Variants in DOC2B observed in about 807,000 individuals in gnomAD.
DOC2B encodes double C2 domain beta.
DOC2B carries 21 observed loss-of-function variants against 28.9 expected under a neutral mutation model. The ratio of observed to expected loss-of-function variants is 0.73; its 90% CI spans 0.52 to 1.05. The LOEUF is 1.05. DOC2B is among the 50% of genes least tolerant of loss of function. The pLI is 0.00. For missense variants in DOC2B, 384 were observed against 421.1 expected, an observed-to-expected ratio of 0.91 and a Z score of 0.77; for synonymous variants, 194 against 178.1, an observed-to-expected ratio of 1.09 and a Z score of -0.71.
rs970003134 is a variant in DOC2B, at chr17:148,322, G to A, written c.1006-53C>T. 116 of 398,406 alleles carry A rather than the reference G, an allele frequency of 2.9e-4. No homozygotes were observed. The Middle Eastern group carries it at 3.1e-3, about 11-fold the overall frequency. 24.7% of individuals were successfully genotyped at this position (398,406 alleles called of 1,614,324 possible). On this transcript the variant is annotated intron_variant, in intron 7 of 8. Coordinates refer to ENST00000613549, the MANE Select transcript of DOC2B (RefSeq NM_003585.5). ...TGATGCCTGGGCCTGGGCCTCCGCCGGGGGCCAGGAGGGGTATGAGGTGTA... is the reference window on the plus strand; with the variant it reads ...TGATGCCTGGGCCTGGGCCTCCGCCAGGGGCCAGGAGGGGTATGAGGTGTA...
intron 2 of DOC2B, among the ~76,000 whole-genome samples, chr17:166,044 C>G (rs770425465): frequency 4.6e-5 from 7 of 152,106 alleles, no homozygotes; most frequent in African/African-American, 9.7e-5. Context: ...TAGGCTGGGT[C>G]GAGGGGCGCT....
At chr17:178,731 A>C (rs1423802792) in intron 1 of DOC2B, among the ~76,000 whole-genome samples, 1 of 152,246 alleles carries the variant, frequency 6.6e-6, no homozygotes, top group African/African-American at 2.4e-5. Context: ...TGAGTAAATA[A>C]ACAGCACTTC....
intron 1 of DOC2B, among the ~76,000 whole-genome samples, chr17:173,995 A>C (rs1057478060): frequency 1.4e-4 from 22 of 152,192 alleles, no homozygotes; most frequent in Non-Finnish European, 5.9e-5. Flanking sequence ...AATATTTACT[A>C]TCCAGCCCTT....
At chr17:180,241 C>A (rs979198413) in intron 1 of DOC2B, among the ~76,000 whole-genome samples, 3 of 152,244 alleles carry the variant, frequency 2.0e-5, no homozygotes, top group Non-Finnish European at 4.4e-5. Context: ...CGACCTCTTC[C>A]GGCCTCGGTT....
chr17:153,543 A>G (rs200829523), intron 6 of DOC2B, among the ~76,000 whole-genome samples: 2 of 152,192 alleles, frequency 1.3e-5, no homozygotes, highest in East Asian at 3.9e-4. Flanking sequence ...TCTACTAAAA[A>G]TACAAAAATT....
chr17:151,227 G>A (rs1050018744), intron 6 of DOC2B, among the ~76,000 whole-genome samples: 3 of 152,144 alleles, frequency 2.0e-5, no homozygotes, highest in Admixed American at 6.5e-5. Flanking sequence ...CTATGATTGC[G>A]CCACTGCACT....
intron 2 of DOC2B, among the ~76,000 whole-genome samples, chr17:164,778 C>A (rs188519179): frequency 6.6e-6 from 1 of 152,314 alleles, no homozygotes; most frequent in East Asian, 1.9e-4. Context: ...CGTGCACAGC[C>A]AGAGGCACAC....
chr17:144,191 T>C lies in DOC2B; in HGVS notation c.*3250A>G, dbSNP rs2040003852. ...AGATTTCCTGTCTTTGTGGGGATGA[T>C]GGACCCGAGTAAAGATGCCCATTCG... On this transcript the variant is annotated 3_prime_UTR_variant, in exon 9 of 9. Transcript: ENST00000613549. The C allele has an allele frequency of 6.6e-6, 1 of 152,482 alleles. No homozygotes were observed. The highest frequency in any genetic ancestry group is 1.9e-4 in the East Asian group (1 of 5,178). The allele number at this position is 152,482 out of a possible 1,614,324, so 9.4% of individuals were successfully genotyped here.
chr17:162,759 A>T (rs1378052413), intron 3 of DOC2B, among the ~76,000 whole-genome samples: 1 of 152,216 alleles, frequency 6.6e-6, no homozygotes, highest in Non-Finnish European at 1.5e-5. Flanking sequence ...CTCCAGCCCG[A>T]TGCCACGGGG....
intron 1 of DOC2B, among the ~76,000 whole-genome samples, chr17:175,082 T>C (rs1479155912): frequency 6.6e-6 from 1 of 151,960 alleles, no homozygotes; most frequent in Non-Finnish European, 1.5e-5. Flanking sequence ...CTACAAAAAA[T>C]ACAAAAATAG....
chr17:177,376 A>G (rs1422910733), intron 1 of DOC2B, among the ~76,000 whole-genome samples: 1 of 152,150 alleles, frequency 6.6e-6, no homozygotes, highest in Non-Finnish European at 1.5e-5. Context: ...GCCTCCTCAT[A>G]GGTCTCTTCC....
chr17:172,460 G>T, intron 2 of DOC2B, 77 bp downstream of exon 2: 3 of 1,198,904 alleles, frequency 2.5e-6, no homozygotes, highest in South Asian at 1.4e-5. Context: ...GGGGAGTGGT[G>T]TGGTCTGGCC....
At chr17:150,509 T>TAGTA (rs35998167) in intron 6 of DOC2B, among the ~76,000 whole-genome samples, 4 of 151,970 alleles carry the variant, frequency 2.6e-5, no homozygotes, top group Non-Finnish European at 4.4e-5. Flanking sequence ...TGACACACAG[T>TAGTA]GCCTGCGACA....
At chr17:147,702 C>A in intron 8 of DOC2B, 125 bp from the exon 9 acceptor site, 4 of 398,306 alleles carry the variant, frequency 1.0e-5, no homozygotes, top group Non-Finnish European at 1.8e-5. Flanking sequence ...GGGTTCTGAG[C>A]ATGAACAGGA....
chr17:172,460 G>A lies in DOC2B; in HGVS notation c.453+77C>T, dbSNP rs1597833169. 3.3e-6 allele frequency: 4 copies of A among 1,198,906 alleles called. No individual in the cohort carries two copies. The East Asian group carries it at 1.0e-4, about 31-fold the overall frequency. 74.3% of individuals were successfully genotyped at this position (1,198,906 alleles called of 1,614,324 possible). A position where few individuals can be genotyped will look rare whatever the true frequency, so the allele number is the denominator to read the frequency against. ...CCTGGACAGGAACCTGGGGAGTGGTGTGGTCTGGCCTCCCTGACCTAGGCC... is the reference window on the plus strand; with the variant it reads ...CCTGGACAGGAACCTGGGGAGTGGTATGGTCTGGCCTCCCTGACCTAGGCC... On this transcript the variant is annotated intron_variant, in intron 2 of 8. Transcript: ENST00000613549.
intron 2 of DOC2B, among the ~76,000 whole-genome samples, chr17:170,523 G>C (rs2040299864): frequency 6.6e-6 from 1 of 152,200 alleles, no homozygotes; most frequent in African/African-American, 2.4e-5. Flanking sequence ...GGCTGGGTGG[G>C]GCCTGGGCCC....
Position 161,547 on chromosome 17 carries a change from G to A in DOC2B, c.639-6C>T. 6.4e-7 allele frequency: 1 copy of A among 1,551,592 alleles called. No individual in the cohort carries two copies. The stretch of plus-strand genomic sequence containing the variant: ...CCTCGTCACACACAGAGATCCTAGA[G>A]GGGGCGGTGGTGAGGGGCACAGCCA... On this transcript the variant is annotated splice_region_variant and splice_polypyrimidine_tract_variant and intron_variant, in intron 4 of 8. Transcript: ENST00000613549.
intron 6 of DOC2B, among the ~76,000 whole-genome samples, chr17:149,665 G>A (rs996158119): frequency 7.9e-5 from 12 of 151,920 alleles, no homozygotes; most frequent in Non-Finnish European, 1.2e-4. Context: ...GCCGCCATGC[G>A]CAGGTAATTT....
intron 2 of DOC2B, among the ~76,000 whole-genome samples, chr17:168,977 CG>C (rs969529821): frequency 3.3e-5 from 5 of 152,080 alleles, no homozygotes; most frequent in African/African-American, 1.2e-4. Context: ...GAAGCGGCCC[CG>C]GGGGAGGCCC....
Sources: allele counts gnomAD v4.1 joint callset (sites outside exome capture counted in the v4.1 genomes callset), GRCh38; gene constraint gnomAD v4.1.1; transcripts MANE v1.5; gene names NCBI Gene and HGNC (gene_info 2026-07-23, HGNC 2026-07-21).